Variants in FAAH2 observed in about 807,000 individuals in gnomAD.
The protein encoded by FAAH2 is fatty acid amide hydrolase 2.
FAAH2 carries 60 observed loss-of-function variants against 36.9 expected under a neutral mutation model. The observed-to-expected ratio is 1.63, with a 90% CI of 1.32 to 2.02. The LOEUF is 2.02. FAAH2 is among the 30% of genes most tolerant of loss of function. The pLI is 0.00. For missense variants in FAAH2, 689 were observed against 397.5 expected (o/e 1.73, Z -6.23); for synonymous variants, 214 against 143.8 (o/e 1.49, Z -3.49).
At chrX:57,389,926 T>C (rs1339562567) in intron 7 of FAAH2, among the ~76,000 whole-genome samples, 1 of 110,558 alleles carries the variant, frequency 9.0e-6, no homozygotes, top group Non-Finnish European at 1.9e-5. Flanking sequence ...TTGGTGTGCA[T>C]TCACCTGATG....
chrX:57,354,103 AG>A (rs2054100209), intron 5 of FAAH2, among the ~76,000 whole-genome samples: 1 of 110,757 alleles, frequency 9.0e-6, no homozygotes. Flanking sequence ...AGCTACCCAA[AG>A]GGAAATCAAT....
intron 3 of FAAH2, among the ~76,000 whole-genome samples, chrX:57,322,040 ATTT>A (rs144117570): frequency 1.0e-5 from 1 of 98,095 alleles, no homozygotes; most frequent in Admixed American, 1.1e-4. Context: ...TCCAGATTGC[ATTT>A]TTTTTTTTTT....
At chrX:57,394,770 C>T (rs192397357) in intron 7 of FAAH2, 1 of 928,352 alleles carries the variant, frequency 1.1e-6, no homozygotes, top group East Asian at 3.1e-5. Context: ...TCAGGCCGAC[C>T]AGTTGCAACC....
At chrX:57,150,751 C>T in the FAAH2 span, among the ~76,000 whole-genome samples, 5 of 111,959 alleles carry the variant, frequency 4.5e-5, no homozygotes, top group African/African-American at 1.3e-4. Flanking sequence ...GAGCATTTAG[C>T]CCATTTACAT....
chrX:57,338,076 G>C (rs964182575), intron 4 of FAAH2, among the ~76,000 whole-genome samples: 1 of 112,016 alleles, frequency 8.9e-6, no homozygotes, highest in Admixed American at 9.5e-5. Flanking sequence ...ATGAACGTCC[G>C]TGTGAAGAGA....
intron 4 of FAAH2, among the ~76,000 whole-genome samples, chrX:57,332,770 C>G (rs2053443599): frequency 8.9e-6 from 1 of 111,836 alleles, no homozygotes. Flanking sequence ...TTGCTTCTTG[C>G]ACAGGGAGGG....
intron 5 of FAAH2, among the ~76,000 whole-genome samples, chrX:57,368,563 C>A (rs1387768515): frequency 1.8e-5 from 2 of 111,445 alleles, no homozygotes; most frequent in Non-Finnish European, 3.8e-5. Flanking sequence ...TATGTCCCAC[C>A]CACAGTGGAG....
At chrX:57,181,209 A>C in the FAAH2 span, among the ~76,000 whole-genome samples, 1 of 111,535 alleles carries the variant, frequency 9.0e-6, no homozygotes, top group African/African-American at 3.2e-5. Context: ...TTCACCTTGA[A>C]AACCCAAATA....
the FAAH2 span, among the ~76,000 whole-genome samples, chrX:57,130,269 A>G: frequency 8.9e-6 from 1 of 112,559 alleles, no homozygotes; most frequent in Non-Finnish European, 1.9e-5. Context: ...TCTGGTTTAC[A>G]TTTTTAAAAG....
chrX:57,371,639 G>GC (rs1239969625), intron 5 of FAAH2, among the ~76,000 whole-genome samples: 1 of 102,231 alleles, frequency 9.8e-6, no homozygotes, highest in Non-Finnish European at 2.0e-5. Flanking sequence ...CTATTTTTTG[G>GC]GGGGGGGGTT....
chrX:57,228,227 C>A, the FAAH2 span, among the ~76,000 whole-genome samples: 2 of 111,485 alleles, frequency 1.8e-5, no homozygotes, highest in Non-Finnish European at 3.8e-5. Context: ...GGAGTTTTAC[C>A]CCCTGCTCCT....
intron 7 of FAAH2, chrX:57,393,654 C>T: frequency 1.0e-6 from 1 of 967,548 alleles, no homozygotes; most frequent in Non-Finnish European, 1.5e-6. Context: ...CTGACGGGGT[C>T]TCCTTTCTTA....
intron 5 of FAAH2, among the ~76,000 whole-genome samples, chrX:57,362,966 T>C (rs1334547979): frequency 8.9e-6 from 1 of 111,978 alleles, no homozygotes; most frequent in African/African-American, 3.2e-5. Flanking sequence ...TGATGTTGCT[T>C]GGTTACTGCA....
intron 6 of FAAH2, among the ~76,000 whole-genome samples, chrX:57,380,417 T>C (rs1215453027): frequency 8.1e-5 from 9 of 111,499 alleles, no homozygotes; most frequent in South Asian, 7.5e-4. Context: ...TATCTAAAAC[T>C]GATATTATTT....
At chrX:57,458,716 C>T (rs967000343) in intron 10 of FAAH2, among the ~76,000 whole-genome samples, 13 of 111,505 alleles carry the variant, frequency 1.2e-4, no homozygotes, top group Non-Finnish European at 2.1e-4. Flanking sequence ...TTGCCTTACC[C>T]GGGAAGTGCA....
At chrX:57,127,610 T>G in the FAAH2 span, among the ~76,000 whole-genome samples, 2 of 112,105 alleles carry the variant, frequency 1.8e-5, no homozygotes, top group Non-Finnish European at 3.8e-5. Context: ...GCATTAATAT[T>G]AGTTAAGACC....
the FAAH2 span, among the ~76,000 whole-genome samples, chrX:57,224,215 C>A: frequency 8.9e-6 from 1 of 111,769 alleles, no homozygotes; most frequent in African/African-American, 3.3e-5. Flanking sequence ...CCTGTTAACA[C>A]CTTTTTGTCC....
chrX:57,362,997 G>T (rs1176522457), intron 5 of FAAH2, among the ~76,000 whole-genome samples: 1 of 111,632 alleles, frequency 9.0e-6, no homozygotes, highest in Non-Finnish European at 1.9e-5. Flanking sequence ...ATAATTTGAA[G>T]TTGAATAATG....
the FAAH2 span, among the ~76,000 whole-genome samples, chrX:57,267,714 C>T: frequency 8.9e-6 from 1 of 112,243 alleles, no homozygotes; most frequent in South Asian, 3.7e-4. Flanking sequence ...AGATTTACAG[C>T]ACGCAGCCCA....
Sources: gnomAD v4.1 joint callset for allele counts (sites outside exome capture counted in the v4.1 genomes callset) on GRCh38, gnomAD v4.1.1 for gene constraint, MANE v1.5 for transcripts, NCBI Gene and HGNC (gene_info 2026-07-23, HGNC 2026-07-21) for gene names.